INPP5F: variants seen among roughly 807,000 people sequenced by gnomAD.
INPP5F encodes the protein phosphatidylinositide 4-phosphatase SAC2.
A neutral mutation model predicts 137.2 loss-of-function variants in INPP5F; 97 were observed. That is an observed-to-expected ratio of 0.71 (90% CI 0.60 to 0.84). The LOEUF (loss-of-function observed/expected upper bound fraction) is 0.84. Among genes scored for constraint, INPP5F ranks in the 40% least tolerant of loss-of-function variants. INPP5F has a pLI of 0.00. For synonymous variants in INPP5F, 504 were observed against 476.9 expected, an observed-to-expected ratio of 1.06 and a Z score of -0.74; for missense variants, 1,271 against 1,371.9, an observed-to-expected ratio of 0.93 and a Z score of 1.16.
intron 3 of INPP5F, among the ~76,000 whole-genome samples, chr10:119,789,820 G>A (rs961501727): frequency 1.3e-5 from 2 of 151,752 alleles, no homozygotes; most frequent in Admixed American, 6.6e-5. Flanking sequence ...GGGACCAAAC[G>A]TTGGGGCACC....
intron 6 of INPP5F, among the ~76,000 whole-genome samples, chr10:119,794,351 A>T (rs1456574803): frequency 6.6e-6 from 1 of 152,236 alleles, no homozygotes; most frequent in African/African-American, 2.4e-5. Context: ...GTCACAGATC[A>T]ACAGGATCCC....
intron 1 of INPP5F, among the ~76,000 whole-genome samples, chr10:119,735,777 C>A (rs1307523787): frequency 6.6e-6 from 1 of 152,182 alleles, no homozygotes; most frequent in Non-Finnish European, 1.5e-5. Context: ...CAGCCCTCAT[C>A]CCCCAACATC....
chr10:119,817,960 G>A (rs1851346908), intron 15 of INPP5F, among the ~76,000 whole-genome samples: 1 of 152,214 alleles, frequency 6.6e-6, no homozygotes, highest in African/African-American at 2.4e-5. Context: ...ATATCTGGTG[G>A]AAAAACAGGC....
intron 3 of INPP5F, among the ~76,000 whole-genome samples, chr10:119,785,446 C>G (rs913583618): frequency 1.1e-4 from 16 of 150,580 alleles, no homozygotes; most frequent in Non-Finnish European, 1.8e-4. Context: ...CCACCACACC[C>G]GACTCATTTT....
At chr10:119,746,899 G>A (rs1420217648) in intron 1 of INPP5F, among the ~76,000 whole-genome samples, 2 of 150,306 alleles carry the variant, frequency 1.3e-5, no homozygotes, top group East Asian at 4.0e-4. Flanking sequence ...AGCGATTCTT[G>A]TGCCTCAGCC....
At chr10:119,781,578 T>C in intron 2 of INPP5F, 57 bp from the exon 3 acceptor site, 1 of 1,475,356 alleles carries the variant, frequency 6.8e-7, no homozygotes. Flanking sequence ...ACCTTCAACT[T>C]GTCAGAACAG....
At chr10:119,793,690 A>T (rs574660361) in intron 6 of INPP5F, 1 of 152,270 alleles carries the variant, frequency 6.6e-6, no homozygotes, top group Non-Finnish European at 1.5e-5. Flanking sequence ...TCTGTCACCC[A>T]GGCTGGAGTG....
intron 2 of INPP5F, among the ~76,000 whole-genome samples, chr10:119,776,511 C>T (rs981630377): frequency 6.6e-6 from 1 of 151,834 alleles, no homozygotes; most frequent in African/African-American, 2.4e-5. Context: ...GGTACTATAC[C>T]TTTAGATGGT....
intron 2 of INPP5F, among the ~76,000 whole-genome samples, chr10:119,761,243 C>G (rs1849000044): frequency 6.6e-6 from 1 of 152,162 alleles, no homozygotes; most frequent in Non-Finnish European, 1.5e-5. Flanking sequence ...GTCTCTTGCT[C>G]TAGATGCTCT....
At chr10:119,769,928 T>A (rs1849288287) in intron 2 of INPP5F, among the ~76,000 whole-genome samples, 1 of 152,064 alleles carries the variant, frequency 6.6e-6, no homozygotes, top group African/African-American at 2.4e-5. Context: ...CATTTATATA[T>A]CCTCTTAGTT....
rs145465169 is a variant in INPP5F at position 119,825,506 on chromosome 10, C to T, written c.2250-1125C>T. On this transcript the variant is annotated intron_variant, in intron 19 of 19. Coordinates refer to ENST00000650623, the MANE Select transcript of INPP5F (RefSeq NM_014937.4). ...GTAGGTGGTATTTTGCCAAGAGAAC[C>T]GGTCTGAGAGCAAGGGCCCTGCAAG... Among the ~76,000 whole-genome samples the T allele has an allele frequency of 2.4e-3, 362 of 152,220 alleles. 2 individuals carry two copies. Among genetic ancestry groups the T allele is most frequent in the Non-Finnish European group, 4.2e-3 (288 of 68,012 alleles).
intron 2 of INPP5F, among the ~76,000 whole-genome samples, chr10:119,771,864 ATATATATATATATATATATTTTTTTTTT>A (rs1268962864): frequency 5.3e-4 from 7 of 13,120 alleles, no homozygotes; most frequent in African/African-American, 9.4e-4. Context: ...ATATATATAT[ATATATATATATATATATATTTTTTTTTT>A]TTTTTTTTTT....
intron 2 of INPP5F, among the ~76,000 whole-genome samples, chr10:119,757,272 T>G (rs1222133364): frequency 1.3e-5 from 2 of 151,682 alleles, no homozygotes; most frequent in Non-Finnish European, 2.9e-5. Flanking sequence ...TTCCCCATGT[T>G]GGCCAGACTG....
chr10:119,802,999 T>C (rs1033385955), intron 9 of INPP5F, among the ~76,000 whole-genome samples: 1 of 152,216 alleles, frequency 6.6e-6, no homozygotes, highest in Non-Finnish European at 1.5e-5. Flanking sequence ...TAGTCTCATG[T>C]TTATTAGCTA....
chr10:119,733,948 C>T (rs1848155081), intron 1 of INPP5F, among the ~76,000 whole-genome samples: 1 of 152,128 alleles, frequency 6.6e-6, no homozygotes, highest in Admixed American at 6.5e-5. Flanking sequence ...TAATTCTAGT[C>T]CCTGGTCTAC....
intron 1 of INPP5F, among the ~76,000 whole-genome samples, chr10:119,732,150 C>T (rs990801778): frequency 5.3e-5 from 8 of 151,622 alleles, no homozygotes; most frequent in Non-Finnish European, 1.2e-4. Flanking sequence ...ATTCTTGTGC[C>T]GCAGCCTCCT....
chr10:119,765,816 CTATA>C (rs779181835), intron 2 of INPP5F, among the ~76,000 whole-genome samples: 13 of 145,644 alleles, frequency 8.9e-5, no homozygotes, highest in Non-Finnish European at 1.8e-4. Context: ...TAGATATACA[CTATA>C]TACTATATAT....
Position 119,806,465 on chromosome 10 carries a change from G to A in INPP5F, c.1425G>A (p.Val475=), listed in dbSNP as rs1850791114. 2 of 1,605,532 alleles carry A rather than the reference G, an allele frequency of 1.2e-6. No individual in the cohort carries two copies. Among genetic ancestry groups the A allele is most frequent in the Admixed American group, 3.5e-5 (2 of 57,814 alleles). The change falls in exon 12 of 20, where the codon GTG becomes GTA. Residue 475 remains valine, a synonymous_variant. Coordinates refer to ENST00000650623, the MANE Select transcript of INPP5F (RefSeq NM_014937.4). ...TGGTCCAAGCTGCCATCGCGAGAGT[G>A]GTCATGGAACAGCAGGTAATTTGGA... is the stretch of plus-strand genomic sequence containing the variant. ...TNVVQAAIAR[V]VMEQQLKKLG...
In INPP5F at chr10:119,827,696, A is replaced by G; in HGVS notation, c.3315A>G (p.Pro1105=). Residue 1105 remains proline, a synonymous_variant, in exon 20 of 20, where the codon CCA becomes CCG. Transcript: ENST00000650623. ...TGTCAAAAGTTCAGAAGAGTCCTCC[A>G]GAACCTGAAATCATTAATCAAGTCC... The part of the protein sequence containing the change: ...FAVSKVQKSP[P]EPEIINQVQQ... The G allele has an allele frequency of 6.2e-7, 1 of 1,613,790 alleles. No homozygotes were observed. Among genetic ancestry groups the G allele is most frequent in the Non-Finnish European group, 8.5e-7 (1 of 1,179,636 alleles).
Sources: allele counts gnomAD v4.1 joint callset (sites outside exome capture counted in the v4.1 genomes callset), GRCh38; gene constraint gnomAD v4.1.1; transcripts MANE v1.5; gene names NCBI Gene and HGNC (gene_info 2026-07-23, HGNC 2026-07-21).